The following DPYD variants were observed in gnomAD, a reference collection of about 807,000 sequenced individuals.
The protein encoded by DPYD is dihydropyrimidine dehydrogenase.
A neutral mutation model predicts 116.2 loss-of-function variants in DPYD; 109 were observed. The ratio of observed to expected loss-of-function variants is 0.94; its 90% CI spans 0.80 to 1.10. The LOEUF is 1.10. Among genes scored for constraint, DPYD ranks in the 50% least tolerant of loss-of-function variants. DPYD has a pLI of 0.00. For missense variants in DPYD, 1,302 were observed against 1,254.5 expected, an observed-to-expected ratio of 1.04 and a Z score of -0.57; for synonymous variants, 440 against 432.0, an observed-to-expected ratio of 1.02 and a Z score of -0.23.
rs373846441 is a variant in DPYD at position 97,710,415 on chromosome 1, G to A, written c.484-10868C>T. Reference sequence around the variant, plus strand: ...GAAAAGAAATATACTTGGGCTTCTTGACAAATAGTTTTCTTCATAACAATT... The same window carrying A: ...GAAAAGAAATATACTTGGGCTTCTTAACAAATAGTTTTCTTCATAACAATT... On this transcript the variant is annotated intron_variant, in intron 5 of 22. Transcript: ENST00000370192. 1.2e-3 allele frequency among the ~76,000 whole-genome samples: 185 copies of A among 151,854 alleles called. 8 individuals are homozygous for A. In the South Asian group the frequency reaches 0.037, roughly 30 times the overall value.
At chr1:97,576,261 C>T (rs997996956) in intron 10 of DPYD, among the ~76,000 whole-genome samples, 3 of 152,130 alleles carry the variant, frequency 2.0e-5, no homozygotes, top group African/African-American at 7.2e-5. Flanking sequence ...TAATGCCACA[C>T]TTGACTGAAT....
intron 2 of DPYD, among the ~76,000 whole-genome samples, chr1:97,881,614 CATT>C (rs1012535551): frequency 1.3e-5 from 2 of 151,928 alleles, no homozygotes; most frequent in African/African-American, 4.8e-5. Context: ...TATAGGATCA[CATT>C]ATGAGATACA....
intron 1 of DPYD, among the ~76,000 whole-genome samples, chr1:97,891,422 G>C (rs1672769700): frequency 1.3e-4 from 1 of 7,554 alleles, no homozygotes; most frequent in Non-Finnish European, 2.9e-3. Flanking sequence ...TCCAGACGCA[G>C]AAAAAAAAAT....
intron 1 of DPYD, among the ~76,000 whole-genome samples, chr1:97,907,464 C>T (rs1377538490): frequency 6.6e-6 from 1 of 151,966 alleles, no homozygotes; most frequent in Non-Finnish European, 1.5e-5. Context: ...ATCACGATCT[C>T]GATTTTATAG....
intron 3 of DPYD, among the ~76,000 whole-genome samples, chr1:97,788,267 T>A (rs911726100): frequency 4.6e-5 from 7 of 152,208 alleles, no homozygotes; most frequent in African/African-American, 1.7e-4. Context: ...GAAGTGATGC[T>A]GCACCAGTTT....
intron 3 of DPYD, among the ~76,000 whole-genome samples, chr1:97,790,482 A>G (rs1367379932): frequency 1.3e-5 from 2 of 152,210 alleles, no homozygotes; most frequent in Non-Finnish European, 2.9e-5. Flanking sequence ...CAAAAATACA[A>G]TGTTTTCATG....
At chr1:97,313,343 T>A (rs905477492) in intron 16 of DPYD, among the ~76,000 whole-genome samples, 9 of 151,958 alleles carry the variant, frequency 5.9e-5, no homozygotes, top group Non-Finnish European at 1.0e-4. Flanking sequence ...TATTGGATAA[T>A]ACAGATTTAG....
intron 3 of DPYD, among the ~76,000 whole-genome samples, chr1:97,793,871 T>C (rs1001732277): frequency 2.6e-5 from 4 of 152,156 alleles, no homozygotes; most frequent in Admixed American, 2.6e-4. Context: ...TAAATTTAAC[T>C]TCATCAAAAA....
intron 2 of DPYD, among the ~76,000 whole-genome samples, chr1:97,849,924 A>ATGT (rs1306652740): frequency 2.0e-5 from 3 of 152,166 alleles, no homozygotes; most frequent in Non-Finnish European, 4.4e-5. Flanking sequence ...AAAATATCAC[A>ATGT]TGTTGTTGTT....
intron 20 of DPYD, among the ~76,000 whole-genome samples, chr1:97,120,255 G>A (rs972986120): frequency 2.6e-5 from 4 of 152,132 alleles, no homozygotes; most frequent in South Asian, 2.1e-4. Flanking sequence ...TCTTCAAAAT[G>A]TGTATTCCTC....
intron 13 of DPYD, among the ~76,000 whole-genome samples, chr1:97,480,402 A>G (rs1227916728): frequency 1.3e-5 from 2 of 152,214 alleles, no homozygotes; most frequent in Non-Finnish European, 2.9e-5. Flanking sequence ...CACTCATAAC[A>G]AATCAGGTAA....
At chr1:97,106,632 C>T (rs1215864823) in intron 20 of DPYD, among the ~76,000 whole-genome samples, 2 of 152,094 alleles carry the variant, frequency 1.3e-5, no homozygotes, top group African/African-American at 4.8e-5. Flanking sequence ...CCCCTCATCT[C>T]CCAGTCCTGA....
chr1:97,556,033 C>A (rs1651677107), intron 11 of DPYD, among the ~76,000 whole-genome samples: 2 of 152,194 alleles, frequency 1.3e-5, no homozygotes, highest in African/African-American at 2.4e-5. Context: ...AGTGATTCTT[C>A]TCAGTGATCA....
chr1:97,685,864 C>T (rs1288220357), intron 7 of DPYD, among the ~76,000 whole-genome samples: 5 of 152,178 alleles, frequency 3.3e-5, no homozygotes, highest in African/African-American at 9.7e-5. Flanking sequence ...ATACTCCATG[C>T]TCATGAATAA....
chr1:97,722,566 T>A (rs890636328), intron 4 of DPYD, among the ~76,000 whole-genome samples: 1 of 151,646 alleles, frequency 6.6e-6, no homozygotes, highest in Non-Finnish European at 1.5e-5. Flanking sequence ...ATTTTAAGAA[T>A]AGAGCTGATA....
chr1:97,566,435 G>A (rs1652525325), intron 11 of DPYD, among the ~76,000 whole-genome samples: 1 of 152,112 alleles, frequency 6.6e-6, no homozygotes, highest in African/African-American at 2.4e-5. Context: ...ATTGTATCCA[G>A]TGTATTATAC....
At chr1:97,271,693 T>A (rs778993740) in intron 18 of DPYD, among the ~76,000 whole-genome samples, 5 of 152,232 alleles carry the variant, frequency 3.3e-5, no homozygotes, top group Non-Finnish European at 5.9e-5. Context: ...TAGATCATTT[T>A]CAATTTAGTC....
At chr1:97,163,914 G>C (rs543795226) in intron 20 of DPYD, among the ~76,000 whole-genome samples, 64 of 152,118 alleles carry the variant, frequency 4.2e-4, no homozygotes, top group Non-Finnish European at 7.5e-4. Context: ...ACTTATTTTT[G>C]GTTCATAGAG....
intron 2 of DPYD, among the ~76,000 whole-genome samples, chr1:97,876,591 A>T (rs558619935): frequency 6.6e-6 from 1 of 151,988 alleles, no homozygotes; most frequent in Non-Finnish European, 1.5e-5. Flanking sequence ...GCAGGAGATG[A>T]TCATCATTCA....
Sources: allele counts gnomAD v4.1 joint callset (sites outside exome capture counted in the v4.1 genomes callset), GRCh38; gene constraint gnomAD v4.1.1; transcripts MANE v1.5; gene names NCBI Gene and HGNC (gene_info 2026-07-23, HGNC 2026-07-21).